Variants in KCNK4 observed in about 807,000 individuals in gnomAD.
KCNK4 encodes potassium channel subfamily K member 4.
Under a neutral mutation model 28.8 loss-of-function variants are expected in KCNK4, and 22 were observed. That is an observed-to-expected ratio of 0.76 (90% CI 0.55 to 1.09). KCNK4 has a LOEUF of 1.09. KCNK4 is among the 50% of genes least tolerant of loss of function. The probability of loss-of-function intolerance (pLI) is 0.00; values close to 1 mark genes in which losing one functional copy is unlikely to be tolerated. For missense variants in KCNK4, 483 were observed against 546.3 expected, an observed-to-expected ratio of 0.88 and a Z score of 1.15; for synonymous variants, 263 against 252.9, an observed-to-expected ratio of 1.04 and a Z score of -0.38.
chr11:64,298,079 A>G (rs1243019496), intron 5 of KCNK4, 31 bp from the exon 6 acceptor site: 1 of 1,609,026 alleles, frequency 6.2e-7, no homozygotes, highest in Non-Finnish European at 8.5e-7. Context: ...CCACAATCCA[A>G]TTCTTTCTAC....
At chr11:64,299,147 G>A (rs1319333025) in intron 6 of KCNK4, among the ~76,000 whole-genome samples, 199 bp from the exon 7 acceptor site, 1 of 150,254 alleles carries the variant, frequency 6.7e-6, no homozygotes, top group Non-Finnish European at 1.5e-5. Flanking sequence ...TTCACATTTA[G>A]CCAGGCGATT....
Sources: gnomAD v4.1 joint callset for allele counts (sites outside exome capture counted in the v4.1 genomes callset) on GRCh38, gnomAD v4.1.1 for gene constraint, MANE v1.5 for transcripts, NCBI Gene and HGNC (gene_info 2026-07-23, HGNC 2026-07-21) for gene names.